Variants in MCMDC2 observed in about 807,000 individuals in gnomAD.
MCMDC2 encodes the protein minichromosome maintenance domain-containing protein 2.
In MCMDC2, 54 loss-of-function variants were observed where a neutral mutation model predicts 75.8. The ratio of observed to expected loss-of-function variants is 0.71; its 90% CI spans 0.57 to 0.89. MCMDC2 has a LOEUF of 0.89. Among genes scored for constraint, MCMDC2 ranks in the 40% least tolerant of loss-of-function variants. The pLI is 0.00. For missense variants in MCMDC2, 656 were observed against 780.4 expected (o/e 0.84, Z 1.90); for synonymous variants, 249 against 274.6 (o/e 0.91, Z 0.92).
intron 1 of MCMDC2, among the ~76,000 whole-genome samples, chr8:66,872,742 G>C (rs1346205177): frequency 2.0e-5 from 3 of 152,076 alleles, no homozygotes; most frequent in Non-Finnish European, 4.4e-5. Flanking sequence ...CAGATCACTT[G>C]AGGTCAGGAG....
chr8:66,921,916 G>C lies in MCMDC2; in HGVS notation c.*2747G>C, dbSNP rs1339409928. 6.6e-6 allele frequency: 1 copy of C among 152,358 alleles called. No homozygotes were observed. The highest frequency in any genetic ancestry group is 1.9e-4 in the East Asian group (1 of 5,206). 9.4% of individuals were successfully genotyped at this position (152,358 alleles called of 1,614,324 possible). On this transcript the variant is annotated 3_prime_UTR_variant, in exon 15 of 15. Coordinates refer to ENST00000422365, the MANE Select transcript of MCMDC2 (RefSeq NM_173518.5). ...AAACAGGTCTGACTAGTGACTATGAGAATGGAGCTATTTAGAGTTGATTTA... is the reference window on the plus strand; with the variant it reads ...AAACAGGTCTGACTAGTGACTATGACAATGGAGCTATTTAGAGTTGATTTA...
chr8:66,876,830 G>A (rs1328460956), intron 4 of MCMDC2, among the ~76,000 whole-genome samples: 2 of 152,088 alleles, frequency 1.3e-5, no homozygotes, highest in East Asian at 3.9e-4. Flanking sequence ...GCGCGACCTC[G>A]GCTCACTGCA....
intron 9 of MCMDC2, among the ~76,000 whole-genome samples, chr8:66,886,924 T>G (rs1585868340): frequency 6.6e-6 from 1 of 152,198 alleles, no homozygotes; most frequent in South Asian, 2.1e-4. Context: ...GCCATACTAG[T>G]GGGAATGAAA....
intron 14 of MCMDC2, among the ~76,000 whole-genome samples, chr8:66,910,789 A>G (rs1405217479): frequency 2.6e-5 from 4 of 152,076 alleles, no homozygotes; most frequent in African/African-American, 7.2e-5. Context: ...AGCCTGGGCA[A>G]CAAGAGCAAA....
At chr8:66,917,975 G>A (rs184514999) in intron 14 of MCMDC2, among the ~76,000 whole-genome samples, 12 of 152,228 alleles carry the variant, frequency 7.9e-5, no homozygotes, top group Admixed American at 2.0e-4. Flanking sequence ...TTGATGAACC[G>A]CCATCCTGTT....
chr8:66,922,569 T>C (rs756750627), downstream of MCMDC2: 1 of 518,406 alleles, frequency 1.9e-6, no homozygotes, highest in South Asian at 1.4e-5. Flanking sequence ...TAAACCTATC[T>C]GTCAAGAATA....
intron 12 of MCMDC2, among the ~76,000 whole-genome samples, chr8:66,900,451 A>T (rs1181450976): frequency 2.6e-5 from 4 of 152,220 alleles, no homozygotes; most frequent in South Asian, 4.1e-4. Context: ...AATAAATAAA[A>T]AAAAAACATA....
At chr8:66,884,462 G>C (rs1023535569) in intron 9 of MCMDC2, 7 of 158,058 alleles carry the variant, frequency 4.4e-5, no homozygotes, top group African/African-American at 1.7e-4. Flanking sequence ...AGCATTTTGT[G>C]GCTCCCCACT....
intron 4 of MCMDC2, among the ~76,000 whole-genome samples, chr8:66,875,681 A>G (rs111759488): frequency 3.1e-4 from 47 of 152,308 alleles, no homozygotes; most frequent in Non-Finnish European, 6.0e-4. Flanking sequence ...AATTTGCCCA[A>G]TTGTTTCAAG....
chr8:66,879,561 C>A (rs1811465139), intron 7 of MCMDC2, among the ~76,000 whole-genome samples: 3 of 152,110 alleles, frequency 2.0e-5, no homozygotes, highest in Admixed American at 2.0e-4. Context: ...CCACTGCACA[C>A]AAGCCTGGGT....
In MCMDC2 at chr8:66,901,489, A is replaced by G. The variant is rs1812657635; in HGVS notation, c.1769+141A>G. The G allele has an allele frequency of 1.0e-5, 14 of 1,391,264 alleles. No individual in the cohort carries two copies. In the East Asian group the frequency reaches 3.6e-4, roughly 36 times the overall value. The allele number at this position is 1,391,264 out of a possible 1,614,324, so 86.2% of individuals were successfully genotyped here. On this transcript the variant is annotated intron_variant, in intron 13 of 14. Transcript: ENST00000422365. ...TTGTAAATGGCCTTGTTCCAAAAGGACTAAAGGCTTCACAATTCCTTTTGT... is the reference window on the plus strand; with the variant it reads ...TTGTAAATGGCCTTGTTCCAAAAGGGCTAAAGGCTTCACAATTCCTTTTGT...
chr8:66,874,152 A>G lies in MCMDC2; in HGVS notation c.12A>G (p.Leu4=). MSN[L]KMKEAALIYL... is the part of the protein sequence containing the mutation. ...TTAACCAGGAGAAAATGTCAAATCT[A>G]AAAATGAAAGAGGCGGCCCTCATCT... Residue 4 remains leucine (L), a synonymous_variant, in exon 2 of 15, where the codon CTA becomes CTG. Coordinates refer to ENST00000422365, the MANE Select transcript of MCMDC2 (RefSeq NM_173518.5). 6.3e-7 allele frequency: 1 copy of G among 1,590,496 alleles called. No individual in the cohort carries two copies. The highest frequency in any genetic ancestry group is 1.2e-5 in the South Asian group (1 of 85,140).
chr8:66,883,963 A>G lies in MCMDC2; in HGVS notation c.1042A>G (p.Ile348Val), dbSNP rs765240018. The change falls in exon 9 of 15, where the codon ATT becomes GTT. Residue 348 changes from isoleucine to valine, a missense_variant. Coordinates refer to ENST00000422365, the MANE Select transcript of MCMDC2 (RefSeq NM_173518.5). ...KELEDCLDIL[I>V]ITSDTLLIDR... The stretch of plus-strand genomic sequence containing the variant: ...ACTGGAAGATTGCCTGGATATTTTA[A>G]TTATAACAAGTGATACTCTACTCAT... The G allele has an allele frequency of 6.2e-7, 1 of 1,613,320 alleles. No individual in the cohort carries two copies. Among genetic ancestry groups the G allele is most frequent in the East Asian group, 2.2e-5 (1 of 44,866 alleles).
chr8:66,899,761 G>T (rs1812550356), intron 12 of MCMDC2, among the ~76,000 whole-genome samples: 1 of 151,736 alleles, frequency 6.6e-6, no homozygotes, highest in Admixed American at 6.6e-5. Context: ...CTCCCAAAGT[G>T]CTGGGATTAC....
chr8:66,872,212 C>T (rs558522605), intron 1 of MCMDC2, among the ~76,000 whole-genome samples: 2 of 152,304 alleles, frequency 1.3e-5, no homozygotes, highest in African/African-American at 2.4e-5. Flanking sequence ...GCCTGAACTC[C>T]ACGTAGTGGG....
chr8:66,881,240 C>G (rs1019856737), intron 8 of MCMDC2, among the ~76,000 whole-genome samples: 4 of 152,158 alleles, frequency 2.6e-5, no homozygotes, highest in African/African-American at 9.7e-5. Flanking sequence ...GCATATAGGA[C>G]TTATTTCTTT....
At chr8:66,902,465 G>A (rs1047912889) in intron 13 of MCMDC2, among the ~76,000 whole-genome samples, 7 of 150,676 alleles carry the variant, frequency 4.6e-5, no homozygotes, top group African/African-American at 1.2e-4. Flanking sequence ...AAGGTGGGGC[G>A]ATCACCTGAG....
downstream of MCMDC2, chr8:66,922,354 C>T (rs1267738370): frequency 1.5e-5 from 5 of 324,260 alleles, no homozygotes; most frequent in Non-Finnish European, 3.1e-5. Flanking sequence ...TATTTTTAAA[C>T]ATGACAGCTA....
chr8:66,926,299 G>A (rs1342218948), downstream of MCMDC2: 1 of 152,218 alleles, frequency 6.6e-6, no homozygotes, highest in Non-Finnish European at 1.5e-5. Context: ...CACTGGGCTT[G>A]ATGCTGGAGC....
Sources: gnomAD v4.1 joint callset for allele counts (sites outside exome capture counted in the v4.1 genomes callset) on GRCh38, gnomAD v4.1.1 for gene constraint, MANE v1.5 for transcripts, NCBI Gene and HGNC (gene_info 2026-07-23, HGNC 2026-07-21) for gene names.